Variants in ADGRB1 observed in about 807,000 individuals in gnomAD.
ADGRB1 encodes the protein adhesion G protein-coupled receptor B1.
A neutral mutation model predicts 175.7 loss-of-function variants in ADGRB1; 36 were observed. The ratio of observed to expected loss-of-function variants is 0.20; its 90% CI spans 0.16 to 0.27. The LOEUF (loss-of-function observed/expected upper bound fraction) is 0.27, where lower values mean the gene tolerates loss of function less well. Among genes scored for constraint, ADGRB1 ranks in the 10% least tolerant of loss-of-function variants. The probability of loss-of-function intolerance (pLI) is 1.00; values close to 1 mark genes in which losing one functional copy is unlikely to be tolerated. For missense variants in ADGRB1, 1,731 were observed against 2,255.3 expected (o/e 0.77, Z 4.71); for synonymous variants, 1,054 against 979.4 (o/e 1.08, Z -1.42).
intron 27 of ADGRB1, among the ~76,000 whole-genome samples, chr8:142,540,915 G>A (rs1385519637): frequency 6.6e-6 from 1 of 152,106 alleles, no homozygotes; most frequent in East Asian, 1.9e-4. Flanking sequence ...GCTCTGAGGG[G>A]GACGGGGAAG....
At chr8:142,462,586 G>A (rs920956998) in intron 1 of ADGRB1, among the ~76,000 whole-genome samples, 2 of 152,248 alleles carry the variant, frequency 1.3e-5, no homozygotes, top group African/African-American at 2.4e-5. Flanking sequence ...CAGGAAGGAC[G>A]CCAGGAGGGG....
At chr8:142,470,058 C>T (rs1268551991) in intron 2 of ADGRB1, among the ~76,000 whole-genome samples, 1 of 152,220 alleles carries the variant, frequency 6.6e-6, no homozygotes, top group African/African-American at 2.4e-5. Flanking sequence ...CAGCCCTGCC[C>T]CCCGCACGGC....
chr8:142,456,493 G>T (rs368020970), intron 1 of ADGRB1, among the ~76,000 whole-genome samples: 11 of 152,080 alleles, frequency 7.2e-5, no homozygotes, highest in Middle Eastern at 3.2e-3. Flanking sequence ...GACTCAGCTG[G>T]AACACGCACA....
In ADGRB1 at chr8:142,515,234, C is replaced by T. The variant is rs758912715; in HGVS notation, c.2818-2904C>T. On this transcript the variant is annotated intron_variant, in intron 18 of 30. Transcript: ENST00000517894. ...GCCTGGCATGTGCAAGGGCCTGGGC[C>T]GCGCTGTGCCTGGCTTGAGCCAGTC... is the stretch of plus-strand genomic sequence containing the variant. Among the ~76,000 whole-genome samples the T allele has an allele frequency of 3.9e-5, 6 of 152,184 alleles. No individual in the cohort carries two copies. The South Asian group carries it at 6.2e-4, about 16-fold the overall frequency.
In ADGRB1 at chr8:142,488,448, C is replaced by T; in HGVS notation, c.2393C>T (p.Ala798Val). The change falls in exon 14 of 31, where the codon GCC becomes GTC. Residue 798 changes from alanine to valine, a missense_variant. By Grantham distance (64) the Ala-to-Val change is moderately conservative (BLOSUM62 0). Coordinates refer to ENST00000517894, the MANE Select transcript of ADGRB1 (RefSeq NM_001702.3). ...GGCTGGCGGGCCACGGGTGACTGGG[C>T]CAAGGTGCCAGAGGACAGGGTCACT... ...MKGWRATGDW[A>V]KVPEDRVTVS... The T allele has an allele frequency of 6.2e-7, 1 of 1,613,142 alleles. No individual in the cohort carries two copies. Among genetic ancestry groups the T allele is most frequent in the Non-Finnish European group, 8.5e-7 (1 of 1,179,848 alleles).
rs1033922862 is a variant in ADGRB1 at position 142,455,377 on chromosome 8, G to T, written c.-220+5273G>T. On this transcript the variant is annotated intron_variant, in intron 1 of 30. Coordinates refer to ENST00000517894, the MANE Select transcript of ADGRB1 (RefSeq NM_001702.3). The surrounding 1 kb of genome is among the most constrained non-coding windows in gnomAD (Gnocchi z 4.9). Reference sequence around the variant, plus strand: ...CCATGGCTGTCCTCCTGCTTGTGGCGTTCTGTTCTCTCGGGCATCCCTCTC... The same window carrying T: ...CCATGGCTGTCCTCCTGCTTGTGGCTTTCTGTTCTCTCGGGCATCCCTCTC... Among the ~76,000 whole-genome samples, 3 of 151,942 alleles carry T rather than the reference G, an allele frequency of 2.0e-5. No homozygotes were observed. Among genetic ancestry groups the T allele is most frequent in the Non-Finnish European group, 4.4e-5 (3 of 68,010 alleles).
At chr8:142,453,861 G>A (rs1168379090) in intron 1 of ADGRB1, among the ~76,000 whole-genome samples, 1 of 152,248 alleles carries the variant, frequency 6.6e-6, no homozygotes, top group Non-Finnish European at 1.5e-5. Flanking sequence ...GGGCAGGTGG[G>A]TGGGTGATGA....
At chr8:142,479,180 C>G (rs899888335) in intron 7 of ADGRB1, 143 bp from the exon 8 acceptor site, 5 of 937,454 alleles carry the variant, frequency 5.3e-6, no homozygotes, top group Admixed American at 3.9e-5. Flanking sequence ...CTTCTTTGAC[C>G]TCCTGCCCCA....
chr8:142,479,025 G>C, intron 7 of ADGRB1: 2 of 326,686 alleles, frequency 6.1e-6, no homozygotes, highest in Non-Finnish European at 1.1e-5. Context: ...TGGGGTGTCT[G>C]TGGGGAAGTG....
intron 17 of ADGRB1, among the ~76,000 whole-genome samples, chr8:142,502,231 T>C (rs1480041375): frequency 1.4e-5 from 2 of 138,374 alleles, no homozygotes; most frequent in Non-Finnish European, 3.1e-5. Flanking sequence ...GTGATAGTGG[T>C]GATGGTGATG....
chr8:142,471,887 C>T (rs1043034340), intron 2 of ADGRB1, among the ~76,000 whole-genome samples: 1 of 152,214 alleles, frequency 6.6e-6, no homozygotes, highest in Admixed American at 6.5e-5. Flanking sequence ...CACGTCCGTG[C>T]AGGGGGCCCT....
chr8:142,457,715 G>A (rs1332666533), intron 1 of ADGRB1, among the ~76,000 whole-genome samples: 2 of 152,170 alleles, frequency 1.3e-5, no homozygotes, highest in African/African-American at 2.4e-5. Context: ...GGTGGCATCT[G>A]GGGGTCACCC....
chr8:142,542,176 G>A lies in ADGRB1; in HGVS notation c.3942G>A (p.Ala1314=), dbSNP rs746758009. 1.5e-5 allele frequency: 25 copies of A among 1,613,466 alleles called. No homozygotes were observed. The highest frequency in any genetic ancestry group is 2.2e-5 in the East Asian group (1 of 44,872). ...CACTGACCCTCAAGAGGGACAAGGC[G>A]CCCAAGTCCTCCTTCGTCGGTGACG... is the stretch of plus-strand genomic sequence containing the variant. The part of the protein sequence containing the change: ...NHSLTLKRDK[A]PKSSFVGDGD... Residue 1314 remains alanine, a synonymous_variant, in exon 28 of 31, where the codon GCG becomes GCA. Coordinates refer to ENST00000517894, the MANE Select transcript of ADGRB1 (RefSeq NM_001702.3). This position sits in a 1 kb window ranked among gnomAD's most constrained non-coding sequence, Gnocchi z 6.3.
intron 26 of ADGRB1, among the ~76,000 whole-genome samples, chr8:142,538,821 C>T (rs935236686): frequency 6.6e-6 from 1 of 152,200 alleles, no homozygotes; most frequent in African/African-American, 2.4e-5. Flanking sequence ...CTGGATGGGG[C>T]CCCCTTGGAG....
chr8:142,514,399 A>G (rs1182401247), intron 18 of ADGRB1, among the ~76,000 whole-genome samples: 1 of 152,174 alleles, frequency 6.6e-6, no homozygotes, highest in Non-Finnish European at 1.5e-5. Context: ...CAGCAGGCCT[A>G]CGACGGCCGG....
At chr8:142,452,853 C>T (rs577056610) in intron 1 of ADGRB1, among the ~76,000 whole-genome samples, 1 of 150,826 alleles carries the variant, frequency 6.6e-6, no homozygotes, top group African/African-American at 2.4e-5. Context: ...CAGGCCCAGG[C>T]GGCCGGCGCG....
At chr8:142,451,274 C>T (rs1340385058) in intron 1 of ADGRB1, among the ~76,000 whole-genome samples, 1 of 152,208 alleles carries the variant, frequency 6.6e-6, no homozygotes, top group Non-Finnish European at 1.5e-5. Context: ...GGCCACTCCC[C>T]GGCAGCCTGA....
At chr8:142,503,166 C>T (rs191633251) in intron 17 of ADGRB1, among the ~76,000 whole-genome samples, 3 of 138,708 alleles carry the variant, frequency 2.2e-5, no homozygotes, top group Non-Finnish European at 3.2e-5. Context: ...GGAAGCGAGA[C>T]CCCCCATGAC....
intron 11 of ADGRB1, among the ~76,000 whole-genome samples, chr8:142,482,534 ACACTGAGCCCTGATCCTGGTCATG>A (rs1841414851): frequency 6.7e-6 from 1 of 149,618 alleles, no homozygotes; most frequent in African/African-American, 2.5e-5. Context: ...TCCTGGTCAC[ACACTGAGCCCTGATCCTGGTCATG>A]CTGAGCCCTG....
Sources: allele counts gnomAD v4.1 joint callset (sites outside exome capture counted in the v4.1 genomes callset), GRCh38; gene constraint gnomAD v4.1.1; non-coding constraint Gnocchi (gnomAD v3.1); transcripts MANE v1.5; gene names NCBI Gene and HGNC (gene_info 2026-07-23, HGNC 2026-07-21).